PHF12: variants seen among roughly 807,000 people sequenced by gnomAD.
The protein encoded by PHF12 is PHD finger protein 12.
A neutral mutation model predicts 99.8 loss-of-function variants in PHF12; 6 were observed. The observed-to-expected ratio is 0.06, with a 90% CI of 0.03 to 0.12. PHF12 has a LOEUF of 0.12. Among genes scored for constraint, PHF12 ranks in the 10% least tolerant of loss-of-function variants. PHF12 has a pLI of 1.00. For synonymous variants in PHF12, 480 were observed against 514.9 expected (o/e 0.93, Z 0.92); for missense variants, 954 against 1,300.1 (o/e 0.73, Z 4.09).
intron 2 of PHF12, among the ~76,000 whole-genome samples, chr17:28,945,703 C>T (rs2040709456): frequency 6.6e-6 from 1 of 152,198 alleles, no homozygotes; most frequent in Non-Finnish European, 1.5e-5. Flanking sequence ...AAAGATGGGT[C>T]AGTGAAAAGT....
chr17:28,930,188 C>A (rs1175570900), intron 2 of PHF12, among the ~76,000 whole-genome samples: 1 of 152,198 alleles, frequency 6.6e-6, no homozygotes, highest in Non-Finnish European at 1.5e-5. Flanking sequence ...CACAACTACA[C>A]CACTCTTCCC....
At chr17:28,936,959 G>C (rs1776439049) in intron 2 of PHF12, among the ~76,000 whole-genome samples, 1 of 152,134 alleles carries the variant, frequency 6.6e-6, no homozygotes, top group South Asian at 2.1e-4. Context: ...GTTGATACTA[G>C]CCAAAATGGG....
rs144248530 is a variant in PHF12 at position 28,946,107 on chromosome 17, C to T, written c.248+3958G>A. ...AGATTGCGCTACTGCACTCCAGCCT[C>T]GGTGACAGAGCAAGACTCCGTCTCA... On this transcript the variant is annotated intron_variant, in intron 2 of 14. Transcript: ENST00000332830. Among the ~76,000 whole-genome samples, 791 of 152,038 alleles carry T rather than the reference C, an allele frequency of 5.2e-3. 12 individuals carry two copies. Among genetic ancestry groups the T allele is most frequent in the African/African-American group, 0.018 (751 of 41,486 alleles).
At position 28,913,965 on chromosome 17, in the gene PHF12, C is replaced by G. The variant is rs1381118809; in HGVS notation, c.1207G>C (p.Glu403Gln). The G allele has an allele frequency of 1.2e-6, 2 of 1,613,918 alleles. No homozygotes were observed. The highest frequency in any genetic ancestry group is 1.7e-5 in the Admixed American group (1 of 60,008). The change falls in exon 8 of 15, where the codon GAG becomes CAG. Residue 403 changes from glutamate (E) to glutamine (Q), a missense_variant. Glu to Gln is a conservative substitution (Grantham distance 29). Transcript: ENST00000332830. The stretch of plus-strand genomic sequence containing the variant: ...TCAGGGATCCCATTGCAGATCAGCT[C>G]CCCGTCCCGAATGGCCGCGGGTGCA... ...LIAPAAIRDG[E>Q]LICNGIPEES...
At chr17:28,921,290 G>A (rs1430053743) in intron 5 of PHF12, among the ~76,000 whole-genome samples, 1 of 152,172 alleles carries the variant, frequency 6.6e-6, no homozygotes, top group African/African-American at 2.4e-5. Flanking sequence ...AGCCTCTGGA[G>A]TAGCTGGGAC....
Position 28,921,774 on chromosome 17 carries a change from T to A in PHF12, c.750A>T (p.Thr250=). ...SSKRRRKEET[T]GKNVKKTQHE... is the part of the protein sequence containing the mutation. ...GCTGTGTCTTCTTAACATTTTTCCC[T>A]GTGGTTTCCTCCTTTCTTCTCCTCT... Residue 250 remains threonine (T), a synonymous_variant, in exon 5 of 15, where the codon ACA becomes ACT. Transcript: ENST00000332830. 6.2e-7 allele frequency: 1 copy of A among 1,614,178 alleles called. No homozygotes were observed. The highest frequency in any genetic ancestry group is 8.5e-7 in the Non-Finnish European group (1 of 1,180,002).
At chr17:28,918,736 A>G (rs2040105243) in intron 6 of PHF12, among the ~76,000 whole-genome samples, 1 of 152,214 alleles carries the variant, frequency 6.6e-6, no homozygotes. Flanking sequence ...AGAGAAAGCA[A>G]TAGGACCTTC....
Position 28,912,933 on chromosome 17 carries a change from T to C in PHF12, c.1638A>G (p.Lys546=). 6.2e-7 allele frequency: 1 copy of C among 1,614,232 alleles called. No homozygotes were observed. The part of the protein sequence containing the change: ...TANGPVNTEV[K]ANGPHLYSSP... ...TGCTGTAGAGGTGTGGGCCATTAGC[T>C]TTCACCTCTGTGTTCACTGGCCCAT... The change falls in exon 9 of 15, where the codon AAA becomes AAG. Residue 546 remains lysine (K), a synonymous_variant. Coordinates refer to ENST00000332830, the MANE Select transcript of PHF12 (RefSeq NM_001033561.2).
chr17:28,919,751 A>C (rs2040128114), intron 5 of PHF12, among the ~76,000 whole-genome samples: 1 of 152,106 alleles, frequency 6.6e-6, no homozygotes. Context: ...AAACAAAACA[A>C]AACAGAACAC....
chr17:28,913,158 C>T lies in PHF12; in HGVS notation c.1413G>A (p.Val471=), dbSNP rs888080185. 1 of 1,614,094 alleles carries T rather than the reference C, an allele frequency of 6.2e-7. No individual in the cohort carries two copies. Among genetic ancestry groups the T allele is most frequent in the Non-Finnish European group, 8.5e-7 (1 of 1,180,010 alleles). ...GGGAGGTGGTGACTGAGCTGTCAGT[C>T]ACAATAACAGGCTTAATATCAGCCT... ...TEKADIKPVI[V]TDSSVTTSLQ... is the part of the protein sequence containing the mutation. The change falls in exon 9 of 15, where the codon GTG becomes GTA. Residue 471 remains valine, a synonymous_variant. Coordinates refer to ENST00000332830, the MANE Select transcript of PHF12 (RefSeq NM_001033561.2).
At chr17:28,909,074 C>T in intron 11 of PHF12, 193 bp from the exon 12 acceptor site, 2 of 603,454 alleles carry the variant, frequency 3.3e-6, no homozygotes, top group Non-Finnish European at 6.0e-6. Flanking sequence ...GCATTTCCAA[C>T]ACAGGGTACA....
At chr17:28,922,146 C>G (rs1405251526) in intron 4 of PHF12, among the ~76,000 whole-genome samples, 1 of 152,180 alleles carries the variant, frequency 6.6e-6, no homozygotes, top group Non-Finnish European at 1.5e-5. Context: ...TCAACAAGGA[C>G]TATTCTGTGG....
At position 28,912,976 on chromosome 17, in the gene PHF12, G is replaced by T. The variant is rs1317311136; in HGVS notation, c.1595C>A (p.Thr532Asn). ...TGGCCCATTGGCAGTCCCACAAGGGGTTTTCTTGGATTTTTCCGCACAAGA... is the reference window on the plus strand; with the variant it reads ...TGGCCCATTGGCAGTCCCACAAGGGTTTTTCTTGGATTTTTCCGCACAAGA... ...CSSCAEKSKK[T>N]PCGTANGPVN... is the part of the protein sequence containing the mutation. The change falls in exon 9 of 15, where the codon ACC becomes AAC. Residue 532 changes from threonine (T) to asparagine (N), a missense_variant. By Grantham distance (65) the Thr-to-Asn change is moderately conservative. Around this residue, in one of 8 missense-constraint regions of PHF12, gnomAD observed 392 missense variants for 423.1 expected, o/e 0.93. Transcript: ENST00000332830. 3.7e-6 allele frequency: 6 copies of T among 1,614,090 alleles called. No individual in the cohort carries two copies. In the Admixed American group the frequency reaches 6.7e-5, roughly 18 times the overall value.
intron 4 of PHF12, 149 bp downstream of exon 4, chr17:28,923,760 A>C: frequency 1.0e-6 from 1 of 971,340 alleles, no homozygotes; most frequent in South Asian, 1.8e-5. Context: ...GTAATGGCTA[A>C]GACCTTCAAA....
At chr17:28,911,325 C>A in intron 9 of PHF12, 88 bp from the exon 10 acceptor site, 1 of 1,549,354 alleles carries the variant, frequency 6.5e-7, no homozygotes, top group South Asian at 1.2e-5. Context: ...GTCTGGATTT[C>A]GGACCCAAGG....
intron 7 of PHF12, among the ~76,000 whole-genome samples, chr17:28,915,383 G>A (rs914398930): frequency 6.6e-6 from 1 of 151,354 alleles, no homozygotes; most frequent in African/African-American, 2.5e-5. Flanking sequence ...GGAGATACAG[G>A]AGGAAGAGCA....
intron 2 of PHF12, among the ~76,000 whole-genome samples, chr17:28,948,818 T>C (rs1329412707): frequency 1.1e-4 from 17 of 151,562 alleles, no homozygotes; most frequent in Non-Finnish European, 1.5e-5. Flanking sequence ...AACAGCCCCC[T>C]TTTCCTCTCT....
At chr17:28,932,660 C>T (rs2040434779) in intron 2 of PHF12, among the ~76,000 whole-genome samples, 1 of 152,156 alleles carries the variant, frequency 6.6e-6, no homozygotes, top group Admixed American at 6.5e-5. Context: ...AAAACTCCTT[C>T]CGCAGCTGGG....
chr17:28,943,667 C>T (rs2040664801), intron 2 of PHF12, among the ~76,000 whole-genome samples: 1 of 151,872 alleles, frequency 6.6e-6, no homozygotes, highest in Non-Finnish European at 1.5e-5. Flanking sequence ...AAAACCAAAA[C>T]CAACAACAAA....
Sources: allele counts gnomAD v4.1 joint callset (sites outside exome capture counted in the v4.1 genomes callset), GRCh38; gene constraint gnomAD v4.1.1; regional missense constraint gnomAD v4.1.1; transcripts MANE v1.5; gene names NCBI Gene and HGNC (gene_info 2026-07-23, HGNC 2026-07-21).